Variants in NRXN1 observed in about 807,000 individuals in gnomAD.
NRXN1 encodes the protein neurexin 1, also known as neurexin-1.
Under a neutral mutation model 150.9 loss-of-function variants are expected in NRXN1, and 39 were observed. That is an observed-to-expected ratio of 0.26 (90% CI 0.20 to 0.34). The LOEUF (loss-of-function observed/expected upper bound fraction) is 0.34. Ranked by LOEUF, NRXN1 falls within the 10% of genes least tolerant of loss-of-function variation. The pLI, the probability that NRXN1 is intolerant of heterozygous loss-of-function variation, is 1.00. For missense variants in NRXN1, 1,815 were observed against 1,949.9 expected (o/e 0.93, Z 1.30); for synonymous variants, 924 against 757.0 (o/e 1.22, Z -3.62).
intron 5 of NRXN1, among the ~76,000 whole-genome samples, chr2:50,699,436 A>C (rs1472118755): frequency 6.6e-6 from 1 of 152,120 alleles, no homozygotes. Flanking sequence ...GAGTTCTTCA[A>C]AGCAGGAGCT....
intron 17 of NRXN1, among the ~76,000 whole-genome samples, chr2:50,283,383 A>T (rs1361520856): frequency 1.3e-5 from 2 of 152,180 alleles, no homozygotes; most frequent in Non-Finnish European, 2.9e-5. Flanking sequence ...AGAAATAATG[A>T]GGAGTTCTTT....
intron 17 of NRXN1, among the ~76,000 whole-genome samples, chr2:50,434,106 G>A (rs1018899484): frequency 7.2e-6 from 1 of 138,716 alleles, no homozygotes; most frequent in Non-Finnish European, 1.5e-5. Flanking sequence ...GCCCAGGCTG[G>A]AGTGCAATGG....
intron 17 of NRXN1, among the ~76,000 whole-genome samples, chr2:50,370,552 A>G (rs1347744618): frequency 1.3e-5 from 2 of 152,026 alleles, no homozygotes; most frequent in Admixed American, 6.6e-5. Flanking sequence ...CTCTGCCACT[A>G]GCTAGTAAAT....
intron 17 of NRXN1, among the ~76,000 whole-genome samples, chr2:50,340,269 A>T (rs1281582279): frequency 6.6e-6 from 1 of 152,124 alleles, no homozygotes; most frequent in Admixed American, 6.5e-5. Flanking sequence ...TATGTGATCA[A>T]CACTGAACAA....
At chr2:50,802,157 A>G (rs1322868829) in intron 5 of NRXN1, among the ~76,000 whole-genome samples, 1 of 152,194 alleles carries the variant, frequency 6.6e-6, no homozygotes, top group African/African-American at 2.4e-5. Context: ...GGATACACTG[A>G]TGTCCTAACC....
chr2:50,779,696 A>T (rs1389226996), intron 5 of NRXN1, among the ~76,000 whole-genome samples: 2 of 152,122 alleles, frequency 1.3e-5, no homozygotes, highest in Non-Finnish European at 2.9e-5. Flanking sequence ...TGAACCTGGG[A>T]GGTGGAGCTT....
chr2:49,942,264 G>T (rs1672110879), intron 22 of NRXN1, among the ~76,000 whole-genome samples: 3 of 152,040 alleles, frequency 2.0e-5, no homozygotes, highest in African/African-American at 7.2e-5. Flanking sequence ...ACCCAGCCTG[G>T]TCTCCCACGC....
intron 5 of NRXN1, among the ~76,000 whole-genome samples, chr2:50,885,759 T>C (rs1317113292): frequency 1.3e-5 from 2 of 150,876 alleles, no homozygotes; most frequent in Non-Finnish European, 3.0e-5. Flanking sequence ...AATTAAGAAC[T>C]CTTGGATAAG....
chr2:49,970,877 TA>T (rs1677834802), intron 21 of NRXN1, among the ~76,000 whole-genome samples: 1 of 151,904 alleles, frequency 6.6e-6, no homozygotes, highest in Non-Finnish European at 1.5e-5. Flanking sequence ...AACAGAGGAA[TA>T]AAACACTGGG....
chr2:50,738,587 T>C (rs950640322), intron 5 of NRXN1, among the ~76,000 whole-genome samples: 1 of 152,202 alleles, frequency 6.6e-6, no homozygotes, highest in African/African-American at 2.4e-5. Context: ...CATGAGTTCT[T>C]TTGTGGAAAT....
chr2:50,747,376 T>C (rs893999132), intron 5 of NRXN1, among the ~76,000 whole-genome samples: 1 of 152,124 alleles, frequency 6.6e-6, no homozygotes, highest in African/African-American at 2.4e-5. Flanking sequence ...GAATGAGGTT[T>C]CCTAATTTAT....
At chr2:50,105,305 C>T (rs1257624808) in intron 18 of NRXN1, 1 of 151,940 alleles carries the variant, frequency 6.6e-6, no homozygotes, top group African/African-American at 2.4e-5. Flanking sequence ...ATATTAATCT[C>T]CATTAGGGCC....
chr2:50,677,704 GC>G (rs1357899057), intron 5 of NRXN1, among the ~76,000 whole-genome samples: 1 of 151,994 alleles, frequency 6.6e-6, no homozygotes, highest in Non-Finnish European at 1.5e-5. Context: ...TAGTATGTAG[GC>G]CATGACAATT....
At chr2:50,949,239 T>G (rs1690892173) in intron 2 of NRXN1, among the ~76,000 whole-genome samples, 1 of 151,988 alleles carries the variant, frequency 6.6e-6, no homozygotes, top group African/African-American at 2.4e-5. Context: ...GGGAAAACAT[T>G]CACTATATTC....
chr2:50,892,233 C>CA (rs1363912840), intron 5 of NRXN1, among the ~76,000 whole-genome samples: 2 of 151,942 alleles, frequency 1.3e-5, no homozygotes, highest in Non-Finnish European at 2.9e-5. Context: ...AATGTCCTGA[C>CA]AGAGAACATG....
At chr2:50,714,279 A>T (rs1695574726) in intron 5 of NRXN1, among the ~76,000 whole-genome samples, 1 of 152,142 alleles carries the variant, frequency 6.6e-6, no homozygotes, top group Non-Finnish European at 1.5e-5. Flanking sequence ...GGCCAAATGA[A>T]ATCCTCACAT....
rs777247505 is a variant in NRXN1 at position 50,053,637 on chromosome 2, C to T, written c.3809-47G>A. Reference sequence around the variant, plus strand: ...CATGCAAAAATGTTGATTGTGAACTCTATATCTACAATGGATGATAAAACA... The same window carrying T: ...CATGCAAAAATGTTGATTGTGAACTTTATATCTACAATGGATGATAAAACA... On this transcript the variant is annotated intron_variant, in intron 20 of 22. Transcript: ENST00000401669. 1.9e-6 allele frequency: 3 copies of T among 1,570,624 alleles called. No individual in the cohort carries two copies. In the African/African-American group the frequency reaches 4.0e-5, roughly 21 times the overall value.
chr2:50,226,234 A>G (rs1235458737), intron 18 of NRXN1, among the ~76,000 whole-genome samples: 1 of 152,018 alleles, frequency 6.6e-6, no homozygotes, highest in Non-Finnish European at 1.5e-5. Context: ...ATGTAAACTT[A>G]GAACAGTTAT....
chr2:50,674,528 G>C (rs889601748), intron 5 of NRXN1, among the ~76,000 whole-genome samples: 2 of 152,002 alleles, frequency 1.3e-5, no homozygotes, highest in Admixed American at 6.6e-5. Context: ...TAGAAAGGAA[G>C]CAAATAGGAA....
Sources: allele counts gnomAD v4.1 joint callset (sites outside exome capture counted in the v4.1 genomes callset), GRCh38; gene constraint gnomAD v4.1.1; transcripts MANE v1.5; gene names NCBI Gene and HGNC (gene_info 2026-07-23, HGNC 2026-07-21).